Variants in ECE1 observed in about 807,000 individuals in gnomAD.
The protein encoded by ECE1 is endothelin converting enzyme 1.
A neutral mutation model predicts 98.6 loss-of-function variants in ECE1; 35 were observed. The ratio of observed to expected loss-of-function variants is 0.35; its 90% CI spans 0.27 to 0.47. ECE1 has a LOEUF of 0.47. ECE1 is among the 20% of genes least tolerant of loss of function. The pLI is 1.00. For synonymous variants in ECE1, 394 were observed against 407.1 expected (o/e 0.97, Z 0.39); for missense variants, 814 against 1,025.3 (o/e 0.79, Z 2.81).
At chr1:21,343,457 G>GT (rs1412075719) in intron 1 of ECE1, among the ~76,000 whole-genome samples, 1 of 152,220 alleles carries the variant, frequency 6.6e-6, no homozygotes, top group African/African-American at 2.4e-5. Flanking sequence ...ACAGACTTTT[G>GT]TTTTGGATTC....
At chr1:21,338,146 A>G (rs1183364914) in intron 1 of ECE1, among the ~76,000 whole-genome samples, 1 of 152,166 alleles carries the variant, frequency 6.6e-6, no homozygotes, top group East Asian at 1.9e-4. Context: ...AGGGACTCCA[A>G]TGGCCAGGCA....
chr1:21,308,610 G>T (rs1638648141), intron 1 of ECE1, among the ~76,000 whole-genome samples: 1 of 152,118 alleles, frequency 6.6e-6, no homozygotes, highest in African/African-American at 2.4e-5. Flanking sequence ...AGGAAAATTG[G>T]CTGGGTGACC....
intron 8 of ECE1, among the ~76,000 whole-genome samples, chr1:21,249,939 A>ATT (rs71014176): frequency 0.065 from 8,807 of 134,736 alleles, 329 homozygotes; most frequent in Non-Finnish European, 0.084. Context: ...ACCTTGGCTA[A>ATT]TTTTTTTTTT....
intron 1 of ECE1, among the ~76,000 whole-genome samples, chr1:21,314,089 G>A (rs528403709): frequency 2.0e-5 from 3 of 152,208 alleles, no homozygotes; most frequent in Non-Finnish European, 4.4e-5. Flanking sequence ...AGCACTTTAC[G>A]TGTGTTTTCT....
At chr1:21,317,472 C>A (rs1219355230) in intron 1 of ECE1, among the ~76,000 whole-genome samples, 1 of 152,320 alleles carries the variant, frequency 6.6e-6, no homozygotes, top group East Asian at 1.9e-4. Flanking sequence ...GCCAGTCCAG[C>A]CCGCGGCGAC....
chr1:21,316,846 T>C (rs1414589861), intron 1 of ECE1, among the ~76,000 whole-genome samples: 1 of 152,174 alleles, frequency 6.6e-6, no homozygotes, highest in Non-Finnish European at 1.5e-5. Context: ...CAATCAATTA[T>C]TGAAAGTTCA....
chr1:21,314,108 A>G (rs768757605), intron 1 of ECE1, among the ~76,000 whole-genome samples: 1 of 152,272 alleles, frequency 6.6e-6, no homozygotes, highest in Non-Finnish European at 1.5e-5. Context: ...CTAATTAACC[A>G]TAACAGCAAC....
intron 12 of ECE1, 80 bp downstream of exon 12, chr1:21,236,666 A>T (rs756141185): frequency 1.5e-5 from 21 of 1,368,880 alleles, no homozygotes; most frequent in Non-Finnish European, 2.2e-5. Context: ...CAAACAAAAA[A>T]ACCGGCCTCT....
At chr1:21,231,075 G>C (rs138521290) in intron 14 of ECE1, among the ~76,000 whole-genome samples, 2 of 152,006 alleles carry the variant, frequency 1.3e-5, no homozygotes, top group Non-Finnish European at 2.9e-5. Flanking sequence ...TGATCCACCC[G>C]CCTTGGCCTC....
intron 1 of ECE1, among the ~76,000 whole-genome samples, chr1:21,302,966 C>T (rs1400093940): frequency 6.6e-6 from 1 of 152,192 alleles, no homozygotes; most frequent in Non-Finnish European, 1.5e-5. Context: ...CTCTCCCCTG[C>T]CACCCCCCGG....
intron 1 of ECE1, among the ~76,000 whole-genome samples, chr1:21,305,665 A>T (rs1032671130): frequency 2.6e-5 from 4 of 152,148 alleles, no homozygotes; most frequent in African/African-American, 4.8e-5. Context: ...GGAGCATTTC[A>T]GTTCGTGAGA....
chr1:21,249,152 G>A (rs1289333182), intron 8 of ECE1, among the ~76,000 whole-genome samples: 1 of 151,960 alleles, frequency 6.6e-6, no homozygotes, highest in Non-Finnish European at 1.5e-5. Flanking sequence ...AGACCAGCCT[G>A]GACAACATGG....
At chr1:21,324,004 T>G (rs1639021373) in intron 1 of ECE1, among the ~76,000 whole-genome samples, 1 of 151,868 alleles carries the variant, frequency 6.6e-6, no homozygotes, top group Non-Finnish European at 1.5e-5. Context: ...GTATTTTTAG[T>G]AGAGATGGGT....
intron 4 of ECE1, among the ~76,000 whole-genome samples, chr1:21,271,332 G>A (rs1396212576): frequency 6.6e-6 from 1 of 152,230 alleles, no homozygotes; most frequent in Non-Finnish European, 1.5e-5. Flanking sequence ...TAATCTAAAA[G>A]ACCCAGTTGC....
At chr1:21,232,985 C>G (rs572397010) in intron 14 of ECE1, 1 of 153,528 alleles carries the variant, frequency 6.5e-6, no homozygotes, top group African/African-American at 2.4e-5. Context: ...GGCCAGGAAG[C>G]TGTATCTTTG....
rs184616637 is a variant in ECE1, at chr1:21,262,093, G to A, written c.494-1701C>T. On this transcript the variant is annotated intron_variant, in intron 4 of 18. Transcript: ENST00000374893. ...TGGCTTTCACTGATCAGAGCATCGA[G>A]CCCCGGTCTTGCTGACCTCAGGGTG... Among the ~76,000 whole-genome samples the A allele has an allele frequency of 6.0e-4, 92 of 152,268 alleles. 1 individual carries two copies. The highest frequency in any genetic ancestry group is 9.8e-4 in the Admixed American group (15 of 15,298).
intron 14 of ECE1, among the ~76,000 whole-genome samples, chr1:21,229,682 G>A (rs866285289): frequency 6.6e-6 from 1 of 152,126 alleles, no homozygotes; most frequent in Non-Finnish European, 1.5e-5. Context: ...TTTCTCAAGA[G>A]GTCAGCAGTG....
At chr1:21,262,279 A>G (rs1380807701) in intron 4 of ECE1, among the ~76,000 whole-genome samples, 1 of 152,166 alleles carries the variant, frequency 6.6e-6, no homozygotes, top group Admixed American at 6.5e-5. Context: ...TAAGTGCTGG[A>G]AACACCTGCA....
chr1:21,342,699 A>G (rs193062458), intron 1 of ECE1, among the ~76,000 whole-genome samples: 28 of 152,268 alleles, frequency 1.8e-4, no homozygotes, highest in African/African-American at 6.7e-4. Context: ...CAACTTGGCC[A>G]CACTGCAAAG....
Sources: gnomAD v4.1 joint callset for allele counts (sites outside exome capture counted in the v4.1 genomes callset) on GRCh38, gnomAD v4.1.1 for gene constraint, MANE v1.5 for transcripts, NCBI Gene and HGNC (gene_info 2026-07-23, HGNC 2026-07-21) for gene names.